DUOX1: variants seen among roughly 807,000 people sequenced by gnomAD.
The protein encoded by DUOX1 is dual oxidase 1, also known as NADPH thyroid oxidase 1.
In DUOX1, 134 loss-of-function variants were observed where a neutral mutation model predicts 181.8. The ratio of observed to expected loss-of-function variants is 0.74; its 90% CI spans 0.64 to 0.85. The LOEUF (loss-of-function observed/expected upper bound fraction) is 0.85, where lower values mean the gene tolerates loss of function less well. Among genes scored for constraint, DUOX1 ranks in the 40% least tolerant of loss-of-function variants. The pLI is 0.00. For missense variants in DUOX1, 1,814 were observed against 2,064.4 expected, an observed-to-expected ratio of 0.88 and a Z score of 2.35; for synonymous variants, 798 against 832.5, an observed-to-expected ratio of 0.96 and a Z score of 0.71.
intron 18 of DUOX1, among the ~76,000 whole-genome samples, chr15:45,146,928 C>T (rs1019983004): frequency 1.3e-5 from 2 of 152,206 alleles, no homozygotes; most frequent in Non-Finnish European, 2.9e-5. Context: ...CCAGCTGAAG[C>T]CTTGTCTTAG....
At chr15:45,147,860 G>A in intron 19 of DUOX1, 44 bp from the exon 20 acceptor site, 1 of 1,571,662 alleles carries the variant, frequency 6.4e-7, no homozygotes, top group Non-Finnish European at 8.8e-7. Flanking sequence ...GGGGGTTCAG[G>A]CAGGCAGGCG....
At chr15:45,130,306 G>C (rs189368326) in intron 1 of DUOX1, among the ~76,000 whole-genome samples, 26 of 152,244 alleles carry the variant, frequency 1.7e-4, no homozygotes, top group Admixed American at 1.6e-3. Context: ...TGAGAGACTG[G>C]GTTCTTTGGG....
At chr15:45,143,511 G>A (rs975296861) in intron 16 of DUOX1, among the ~76,000 whole-genome samples, 1 of 152,168 alleles carries the variant, frequency 6.6e-6, no homozygotes, top group Non-Finnish European at 1.5e-5. Flanking sequence ...TGCCTTACAG[G>A]GAGTAAGTGT....
At chr15:45,154,363 C>T (rs1896913222) in intron 27 of DUOX1, among the ~76,000 whole-genome samples, 1 of 152,180 alleles carries the variant, frequency 6.6e-6, no homozygotes, top group Admixed American at 6.5e-5. Context: ...TGCTGTGCCC[C>T]AGCTGCATGG....
chr15:45,135,435 C>T (rs1428461307), intron 5 of DUOX1, 39 bp from the exon 6 acceptor site: 8 of 1,535,894 alleles, frequency 5.2e-6, no homozygotes, highest in Middle Eastern at 2.3e-4. Flanking sequence ...AGCTCGCCGC[C>T]GCCCATCGAC....
intron 2 of DUOX1, among the ~76,000 whole-genome samples, chr15:45,133,231 TATGGGGGACAAG>T (rs761994622): frequency 6.6e-6 from 1 of 152,200 alleles, no homozygotes; most frequent in Non-Finnish European, 1.5e-5. Context: ...GGAGGAATTG[TATGGGGGACAAG>T]ATGCCCCAGA....
rs759533611 is a variant in DUOX1 at position 45,163,662 on chromosome 15, A to G, written c.4379A>G (p.Lys1460Arg). Reference sequence around the variant, plus strand: ...ATCTACATCACCCAGCTGGCTGAGAAGTTCGACCTCAGGACCACTATGCTG... The same window carrying G: ...ATCTACATCACCCAGCTGGCTGAGAGGTTCGACCTCAGGACCACTATGCTG... ...VHIYITQLAEKFDLRTTMLYI... is the reference protein window; with the variant it reads ...VHIYITQLAERFDLRTTMLYI... The change falls in exon 32 of 34, where the codon AAG becomes AGG. Residue 1460 changes from lysine to arginine, a missense_variant. Physicochemically the swap from Lys to Arg is conservative, Grantham distance 26. Coordinates refer to ENST00000389037, the MANE Select transcript of DUOX1 (RefSeq NM_175940.3). 9.9e-6 allele frequency: 16 copies of G among 1,613,980 alleles called. No individual in the cohort carries two copies. The highest frequency in any genetic ancestry group is 1.6e-4 in the Middle Eastern group (1 of 6,084).
intron 22 of DUOX1, 138 bp downstream of exon 22, chr15:45,150,839 G>T: frequency 1.1e-6 from 1 of 877,738 alleles, no homozygotes. Flanking sequence ...CTTTCTCTAG[G>T]CAGACACAGC....
intron 28 of DUOX1, among the ~76,000 whole-genome samples, chr15:45,158,700 CAAAAAAAAAAAAAAA>C (rs58522871): frequency 8.5e-5 from 4 of 47,022 alleles, no homozygotes; most frequent in Admixed American, 3.8e-4. Context: ...ACTTCCATCT[CAAAAAAAAAAAAAAA>C]AAAAAAAAAA....
chr15:45,144,387 G>A, intron 17 of DUOX1, 152 bp downstream of exon 17: 1 of 816,066 alleles, frequency 1.2e-6, no homozygotes, highest in Non-Finnish European at 2.0e-6. Flanking sequence ...ACCTGATAGA[G>A]AGATAAACTT....
chr15:45,132,731 C>T (rs561679003), intron 2 of DUOX1, among the ~76,000 whole-genome samples: 132 of 152,326 alleles, frequency 8.7e-4, no homozygotes, highest in Non-Finnish European at 1.5e-3. Flanking sequence ...CTCACATCCA[C>T]GTTCCTTCCA....
chr15:45,137,805 C>A, intron 9 of DUOX1, 119 bp from the exon 10 acceptor site: 2 of 761,500 alleles, frequency 2.6e-6, no homozygotes, highest in Middle Eastern at 2.5e-4. Flanking sequence ...CCGAACCACA[C>A]ACCACCTCGG....
In DUOX1 at chr15:45,135,249, G is replaced by T; in HGVS notation, c.453G>T (p.Trp151Cys). ...TGCTGCCCTTCCAGAGAAGCCGCTG[G>T]GACCCCGAGACCGGACGGAGTCCCA... ...DVVLPFQRSR[W>C]DPETGRSPSN... The change falls in exon 5 of 34, where the codon TGG (tryptophan) becomes TGT (cysteine). Residue 151 changes from tryptophan (W) to cysteine (C), a missense_variant. By Grantham distance (215) the Trp-to-Cys change is radical (BLOSUM62 -2). This residue lies in a region of DUOX1 where 320 missense variants were observed against 313.1 expected (regional missense o/e 1.02). Transcript: ENST00000389037. The T allele has an allele frequency of 6.2e-7, 1 of 1,613,118 alleles. No individual in the cohort carries two copies. Among genetic ancestry groups the T allele is most frequent in the Non-Finnish European group, 8.5e-7 (1 of 1,179,900 alleles).
rs1427600596 is a variant in DUOX1 at position 45,139,637 on chromosome 15, G to A, written c.1389+38G>A. 3 of 1,513,828 alleles carry A rather than the reference G, an allele frequency of 2.0e-6. 1 individual carries two copies. The highest frequency in any genetic ancestry group is 2.6e-5 in the South Asian group (2 of 75,670). The allele number at this position is 1,513,828 out of a possible 1,614,324, so 93.8% of individuals were successfully genotyped here. ...CAGGACCCAGAGGGTAGGGCGGGAG[G>A]GACAAGGCACGTGGGCCTGAGACAT... On this transcript the variant is annotated intron_variant, in intron 12 of 33. Coordinates refer to ENST00000389037, the MANE Select transcript of DUOX1 (RefSeq NM_175940.3).
At chr15:45,161,116 C>A in intron 29 of DUOX1, 126 bp downstream of exon 29, 1 of 1,428,780 alleles carries the variant, frequency 7.0e-7, no homozygotes, top group Non-Finnish European at 9.4e-7. Context: ...GTGGCAGGGA[C>A]AAAGGAGCTG....
At chr15:45,146,896 T>C (rs1254961187) in intron 18 of DUOX1, among the ~76,000 whole-genome samples, 1 of 152,230 alleles carries the variant, frequency 6.6e-6, no homozygotes, top group Non-Finnish European at 1.5e-5. Context: ...TTCCCCTTTC[T>C]CAAGCCCAGC....
rs757072660 is a variant in DUOX1 at position 45,139,486 on chromosome 15, C to T, written c.1276C>T (p.Arg426Trp). The change falls in exon 12 of 34, where the codon CGG (arginine) becomes TGG (tryptophan). Residue 426 changes from arginine to tryptophan, a missense_variant. Physicochemically the swap from Arg to Trp is moderately radical, Grantham distance 101 (BLOSUM62 -3). Around this residue, in one of 5 missense-constraint regions of DUOX1, gnomAD observed 1,064 missense variants for 1,152.9 expected, o/e 0.92. Transcript: ENST00000389037. ...AGACCACCTGGCCAGCTGCCTGCAG[C>T]GGGGCCGGGATCTGGGCCTGCCCTC... ...RTDHLASCLQ[R>W]GRDLGLPSYT... The T allele has an allele frequency of 6.2e-6, 10 of 1,612,854 alleles. No individual in the cohort carries two copies. The highest frequency in any genetic ancestry group is 5.5e-5 in the South Asian group (5 of 90,872).
At position 45,161,900 on chromosome 15, in the gene DUOX1, G is replaced by A; in HGVS notation, c.4019G>A (p.Gly1340Glu). The stretch of plus-strand genomic sequence containing the variant: ...CTTAGCCTGCACATCCGGGCAGCAG[G>A]GCCCTGGACCACTCGCCTCAGGGAG... ...DTLSLHIRAA[G>E]PWTTRLREIY... Residue 1340 changes from glycine to glutamate, a missense_variant, in exon 30 of 34, where the codon GGG becomes GAG. By Grantham distance (98) the Gly-to-Glu change is moderately conservative. Transcript: ENST00000389037. The A allele has an allele frequency of 1.9e-6, 3 of 1,613,212 alleles. No individual in the cohort carries two copies. Among genetic ancestry groups the A allele is most frequent in the Non-Finnish European group, 2.5e-6 (3 of 1,179,802 alleles).
At chr15:45,153,523 T>TAATGG in intron 26 of DUOX1, 44 bp downstream of exon 26, 3 of 1,079,012 alleles carry the variant, frequency 2.8e-6, no homozygotes, top group Non-Finnish European at 4.0e-6. Context: ...TGTGTGTGTG[T>TAATGG]GTGTGTGTGT....
Sources: gnomAD v4.1 joint callset for allele counts (sites outside exome capture counted in the v4.1 genomes callset) on GRCh38, gnomAD v4.1.1 for gene constraint, gnomAD v4.1.1 regional missense constraint, MANE v1.5 for transcripts, NCBI Gene and HGNC (gene_info 2026-07-23, HGNC 2026-07-21) for gene names.